The following PLXNB2 variants were observed in gnomAD, a reference collection of about 807,000 sequenced individuals.
PLXNB2 encodes plexin B2.
PLXNB2 carries 85 observed loss-of-function variants against 202.6 expected under a neutral mutation model. The observed-to-expected ratio is 0.42, with a 90% confidence interval of 0.35 to 0.50. PLXNB2 has a LOEUF of 0.50. Among genes scored for constraint, PLXNB2 ranks in the 20% least tolerant of loss-of-function variants. PLXNB2 has a pLI of 0.02. For missense variants in PLXNB2, 2,063 were observed against 2,586.2 expected (o/e 0.80, Z 4.39); for synonymous variants, 1,239 against 1,137.6 (o/e 1.09, Z -1.79).
At position 50,297,797 on chromosome 22, in the gene PLXNB2, C is replaced by A. The variant is rs1294329120; in HGVS notation, c.-73-3019G>T. Among the ~76,000 whole-genome samples the A allele has an allele frequency of 6.6e-6, 1 of 152,208 alleles. No homozygotes were observed. The highest frequency in any genetic ancestry group is 1.5e-5 in the Non-Finnish European group (1 of 68,034). ...TGGCTCATGTGGGCCATTCAGAAAGCTGCTCTGTGCCTCAGTTTCCCCATA... is the reference window on the plus strand; with the variant it reads ...TGGCTCATGTGGGCCATTCAGAAAGATGCTCTGTGCCTCAGTTTCCCCATA... On this transcript the variant is annotated intron_variant, in intron 1 of 36. Transcript: ENST00000359337. The surrounding 1 kb of genome is among the most constrained non-coding windows in gnomAD (Gnocchi z 5.3).
chr22:50,288,942 C>T lies in PLXNB2; in HGVS notation c.1251+18G>A. On this transcript the variant is annotated intron_variant, in intron 4 of 36. Transcript: ENST00000359337. The surrounding 1 kb of genome is among the most constrained non-coding windows in gnomAD (Gnocchi z 5.0). ...AGACGGGCCCTCCAGAGCCTCCCCG[C>T]CCCAGCCTGGGCCAAACCTTGAGGA... 6.2e-7 allele frequency: 1 copy of T among 1,606,226 alleles called. No homozygotes were observed. The highest frequency in any genetic ancestry group is 1.1e-5 in the South Asian group (1 of 90,942).
Position 50,297,949 on chromosome 22 carries a change from C to T in PLXNB2, c.-73-3171G>A, listed in dbSNP as rs900831822. Among the ~76,000 whole-genome samples, 1 of 152,212 alleles carries T rather than the reference C, an allele frequency of 6.6e-6. No individual in the cohort carries two copies. Among genetic ancestry groups the T allele is most frequent in the Non-Finnish European group, 1.5e-5 (1 of 68,028 alleles). On this transcript the variant is annotated intron_variant, in intron 1 of 36. Coordinates refer to ENST00000359337, the MANE Select transcript of PLXNB2 (RefSeq NM_012401.4). This position sits in a 1 kb window ranked among gnomAD's most constrained non-coding sequence, Gnocchi z 5.3. ...CACGACATTCCCACGTCCATGTTCACTGTGCTCCCTGGAAAGCCCCTGCCC... is the reference window on the plus strand; with the variant it reads ...CACGACATTCCCACGTCCATGTTCATTGTGCTCCCTGGAAAGCCCCTGCCC...
chr22:50,275,908 G>A lies in PLXNB2; in HGVS notation c.5393C>T (p.Thr1798Met), dbSNP rs373532871. 9 of 1,612,540 alleles carry A rather than the reference G, an allele frequency of 5.6e-6. No homozygotes were observed. The highest frequency in any genetic ancestry group is 1.7e-5 in the Admixed American group (1 of 60,006). The change falls in exon 36 of 37, where the codon ACG becomes ATG. Residue 1798 changes from threonine to methionine, a missense_variant. Thr to Met is a moderately conservative substitution (Grantham distance 81). Transcript: ENST00000359337. ...LVALHQLYQYTQKYYDEIINA... is the reference protein window; with the variant it reads ...LVALHQLYQYMQKYYDEIINA... ...CCCTACCTCGTCATAGTACTTCTGCGTGTATTGGTAGAGCTGGTGGAGTGC... is the reference window on the plus strand; with the variant it reads ...CCCTACCTCGTCATAGTACTTCTGCATGTATTGGTAGAGCTGGTGGAGTGC...
In PLXNB2 at chr22:50,284,781, A is replaced by G. The variant is rs2066297075; in HGVS notation, c.2089-116T>C. 2 of 808,098 alleles carry G rather than the reference A, an allele frequency of 2.5e-6. No individual in the cohort carries two copies. Among genetic ancestry groups the G allele is most frequent in the African/African-American group, 1.7e-5 (1 of 59,372 alleles). The allele number at this position is 808,098 out of a possible 1,614,324, so 50.1% of individuals were successfully genotyped here. ...AGTGTGGGAGCCCTCTCCTCACCCC[A>G]CACATGCCCGCCCCTCAGATTACCA... is the stretch of plus-strand genomic sequence containing the variant. On this transcript the variant is annotated intron_variant, in intron 11 of 36. Coordinates refer to ENST00000359337, the MANE Select transcript of PLXNB2 (RefSeq NM_012401.4). The surrounding 1 kb of genome is among the most constrained non-coding windows in gnomAD (Gnocchi z 8.0).
chr22:50,289,944 T>C lies in PLXNB2; in HGVS notation c.641A>G (p.Asn214Ser), dbSNP rs376374684. Reference protein sequence around the residue: ...ATYKAGYLSTNTQQFVAAFED... With the variant: ...ATYKAGYLSTSTQQFVAAFED... Reference sequence around the variant, plus strand: ...GAAGGCCGCCACGAACTGCTGTGTGTTGGTGGACAGGTAGCCGGCCTTGTA... The same window carrying C: ...GAAGGCCGCCACGAACTGCTGTGTGCTGGTGGACAGGTAGCCGGCCTTGTA... The change falls in exon 3 of 37, where the codon AAC (asparagine) becomes AGC (serine). Residue 214 changes from asparagine to serine, a missense_variant. This residue lies in a region of PLXNB2 where 1,303 missense variants were observed against 1,476.8 expected (regional missense o/e 0.88). Transcript: ENST00000359337. The surrounding 1 kb of genome is among the most constrained non-coding windows in gnomAD (Gnocchi z 8.0). 4 of 1,613,188 alleles carry C rather than the reference T, an allele frequency of 2.5e-6. No homozygotes were observed. The African/African-American group carries it at 5.3e-5, about 22-fold the overall frequency.
At chr22:50,287,030 G>T in intron 8 of PLXNB2, 81 bp downstream of exon 8, 1 of 1,343,022 alleles carries the variant, frequency 7.4e-7, no homozygotes, top group Non-Finnish European at 9.8e-7. Context: ...GCACCCAGGG[G>T]CCAGCAGAGG....
Position 50,284,562 on chromosome 22 carries a change from T to C in PLXNB2, c.2181+11A>G. ...GTCCAGCAGCCGAGCCGGCCTGCCC[T>C]GGAGCCGTACCTTTGGGGTCCGAAA... On this transcript the variant is annotated intron_variant, in intron 12 of 36. Transcript: ENST00000359337. The surrounding 1 kb of genome is among the most constrained non-coding windows in gnomAD (Gnocchi z 8.0). 6.4e-7 allele frequency: 1 copy of C among 1,561,724 alleles called. No individual in the cohort carries two copies. Among genetic ancestry groups the C allele is most frequent in the Non-Finnish European group, 8.7e-7 (1 of 1,154,474 alleles).
chr22:50,279,048 C>A lies in PLXNB2; in HGVS notation c.4390-37G>T, dbSNP rs375177452. Reference sequence around the variant, plus strand: ...TCCGGGATGAAGCCCAGTGGGAGGCCCTGCTCTTACCTGCACCATGCAGGA... The same window carrying A: ...TCCGGGATGAAGCCCAGTGGGAGGCACTGCTCTTACCTGCACCATGCAGGA... On this transcript the variant is annotated intron_variant, in intron 27 of 36. Transcript: ENST00000359337. The A allele has an allele frequency of 2.5e-5, 39 of 1,567,730 alleles. No homozygotes were observed. The African/African-American group carries it at 5.1e-4, about 21-fold the overall frequency.
chr22:50,306,861 C>T (rs2147743387), intron 1 of PLXNB2, among the ~76,000 whole-genome samples: 1 of 152,362 alleles, frequency 6.6e-6, no homozygotes, highest in Non-Finnish European at 1.5e-5. Flanking sequence ...CTGAGACCCC[C>T]AGATGACAGG....
intron 1 of PLXNB2, among the ~76,000 whole-genome samples, chr22:50,307,312 C>T (rs1020203730): frequency 2.7e-5 from 4 of 150,452 alleles, no homozygotes; most frequent in African/African-American, 7.3e-5. Context: ...GGACGCGCAG[C>T]CCCCGCCGCC....
In PLXNB2 at chr22:50,307,562, C is replaced by A; in HGVS notation, c.-83G>T. The A allele has an allele frequency of 1.4e-5, 14 of 982,310 alleles. No homozygotes were observed. The highest frequency in any genetic ancestry group is 1.7e-5 in the Non-Finnish European group (14 of 828,780). 60.8% of individuals were successfully genotyped at this position (982,310 alleles called of 1,614,324 possible). On this transcript the variant is annotated 5_prime_UTR_variant, in exon 1 of 37. Transcript: ENST00000359337. ...CCCCCGAGCTCGGTACCTGCACGTCCGCCGCCAAGGCTCGATGGCGCCCGG... is the reference window on the plus strand; with the variant it reads ...CCCCCGAGCTCGGTACCTGCACGTCAGCCGCCAAGGCTCGATGGCGCCCGG...
rs573544346 is a variant in PLXNB2, at chr22:50,287,211, C to T, written c.1662G>A (p.Leu554=). 3.7e-5 allele frequency: 57 copies of T among 1,550,618 alleles called. No individual in the cohort carries two copies. In the Admixed American group the frequency reaches 7.6e-4, roughly 21 times the overall value. ...LPALSEEDEL[L]CLFGESPPHP... Reference sequence around the variant, plus strand: ...GTGGCGGCGACTCCCCAAAAAGGCACAGCAACTCGTCCTCCTCGCTCAGGG... The same window carrying T: ...GTGGCGGCGACTCCCCAAAAAGGCATAGCAACTCGTCCTCCTCGCTCAGGG... Residue 554 remains leucine (L), a synonymous_variant, in exon 8 of 37, where the codon CTG becomes CTA. Transcript: ENST00000359337.
chr22:50,278,540 G>T (rs771605719), intron 29 of PLXNB2, 21 bp from the exon 30 acceptor site: 3 of 1,585,994 alleles, frequency 1.9e-6, no homozygotes, highest in Non-Finnish European at 2.6e-6. Context: ...CGGCGGTGAG[G>T]GTGGGCTGTG....
chr22:50,287,383 C>T lies in PLXNB2; in HGVS notation c.1609-119G>A, dbSNP rs368275657. ...TCCCAGTGGAGCCTCCAGAACCCGA[C>T]TCCACGTCTTCCAATACAGGCCTCT... On this transcript the variant is annotated intron_variant, in intron 7 of 36. Coordinates refer to ENST00000359337, the MANE Select transcript of PLXNB2 (RefSeq NM_012401.4). 8.5e-5 allele frequency: 99 copies of T among 1,165,482 alleles called. 1 individual carries two copies. The South Asian group carries it at 1.5e-3, about 18-fold the overall frequency. 72.2% of individuals were successfully genotyped at this position (1,165,482 alleles called of 1,614,324 possible). A position where few individuals can be genotyped will look rare whatever the true frequency, so the allele number is the denominator to read the frequency against.
At chr22:50,282,507 G>T in intron 18 of PLXNB2, 194 bp from the exon 19 acceptor site, 2 of 684,460 alleles carry the variant, frequency 2.9e-6, no homozygotes, top group Non-Finnish European at 4.8e-6. Flanking sequence ...GGGGGCACAC[G>T]GGGCCTGGTG....
rs2147285309 is a variant in PLXNB2, at chr22:50,275,529, C to T, written c.*175G>A. 1 of 667,500 alleles carries T rather than the reference C, an allele frequency of 1.5e-6. No homozygotes were observed. 41.3% of individuals were successfully genotyped at this position (667,500 alleles called of 1,614,324 possible). ...TGGTGCGGTGCCCGGCGGTATTGCT[C>T]AGAGGAAGATGCTACAGTCTAGACG... On this transcript the variant is annotated 3_prime_UTR_variant, in exon 37 of 37. Transcript: ENST00000359337.
chr22:50,298,839 C>G (rs1464716651), intron 1 of PLXNB2, among the ~76,000 whole-genome samples: 1 of 152,210 alleles, frequency 6.6e-6, no homozygotes, highest in Non-Finnish European at 1.5e-5. Context: ...AGAGATGGGG[C>G]TTCACCGTGT....
intron 26 of PLXNB2, 78 bp from the exon 27 acceptor site, chr22:50,279,854 G>C (rs1160045059): frequency 6.5e-7 from 1 of 1,538,812 alleles, no homozygotes; most frequent in African/African-American, 1.4e-5. Context: ...CTGGCCAGAG[G>C]CATGGACGGG....
At chr22:50,302,259 C>T (rs1291285141) in intron 1 of PLXNB2, among the ~76,000 whole-genome samples, 1 of 152,144 alleles carries the variant, frequency 6.6e-6, no homozygotes, top group Non-Finnish European at 1.5e-5. Context: ...CTGGGCCCCA[C>T]AGGGGCAAAC....
Sources: gnomAD v4.1 joint callset for allele counts (sites outside exome capture counted in the v4.1 genomes callset) on GRCh38, gnomAD v4.1.1 for gene constraint, gnomAD v4.1.1 regional missense constraint, Gnocchi (gnomAD v3.1) non-coding constraint, MANE v1.5 for transcripts, NCBI Gene and HGNC (gene_info 2026-07-23, HGNC 2026-07-21) for gene names.